Variants in GRAMD2B observed in about 807,000 individuals in gnomAD.
The protein encoded by GRAMD2B is GRAM domain containing 2B.
A neutral mutation model predicts 59.2 loss-of-function variants in GRAMD2B; 41 were observed. The ratio of observed to expected loss-of-function variants is 0.69; its 90% CI spans 0.54 to 0.90. The LOEUF (loss-of-function observed/expected upper bound fraction) is 0.90. Ranked by LOEUF, GRAMD2B falls within the 40% of genes least tolerant of loss-of-function variation. The pLI is 0.00. For synonymous variants in GRAMD2B, 161 were observed against 182.7 expected, an observed-to-expected ratio of 0.88 and a Z score of 0.96; for missense variants, 424 against 500.5, an observed-to-expected ratio of 0.85 and a Z score of 1.46.
chr5:126,386,379 G>C (rs1440520291), intron 1 of GRAMD2B, among the ~76,000 whole-genome samples: 1 of 152,184 alleles, frequency 6.6e-6, no homozygotes, highest in East Asian at 1.9e-4. Flanking sequence ...AGAATGATAA[G>C]GGTTAGATGA....
At chr5:126,462,452 G>A (rs568649542) in intron 1 of GRAMD2B, 25 of 985,184 alleles carry the variant, frequency 2.5e-5, no homozygotes, top group South Asian at 4.7e-5. Context: ...GGTAAGGGAC[G>A]CTTGCAGGAA....
At chr5:126,484,142 T>C (rs981545887) in intron 9 of GRAMD2B, among the ~76,000 whole-genome samples, 1 of 152,332 alleles carries the variant, frequency 6.6e-6, no homozygotes, top group South Asian at 2.1e-4. Context: ...TCTTCCCTCT[T>C]ATTTCAATAA....
intron 1 of GRAMD2B, among the ~76,000 whole-genome samples, chr5:126,426,191 C>A (rs1470167072): frequency 6.6e-6 from 1 of 151,616 alleles, no homozygotes; most frequent in Non-Finnish European, 1.5e-5. Flanking sequence ...TTATAAAATT[C>A]AAAAAAAGAA....
chr5:126,402,918 C>A (rs1355277956), intron 1 of GRAMD2B, among the ~76,000 whole-genome samples: 9 of 151,998 alleles, frequency 5.9e-5, no homozygotes, highest in African/African-American at 2.2e-4. Context: ...AATATTCCTT[C>A]TCTTTTCCAT....
chr5:126,392,661 GA>G (rs1039753560), intron 1 of GRAMD2B, among the ~76,000 whole-genome samples: 1 of 151,484 alleles, frequency 6.6e-6, no homozygotes, highest in Admixed American at 6.6e-5. Context: ...TTTCTTCCAT[GA>G]AAGAAAAATT....
chr5:126,367,325 A>G (rs570082829), upstream of GRAMD2B, among the ~76,000 whole-genome samples: 441 of 152,306 alleles, frequency 2.9e-3, 4 homozygotes, highest in African/African-American at 0.01. Flanking sequence ...TTCTAAGTGT[A>G]AATTTATATT....
chr5:126,363,166 A>G (rs1754295034), intron 1 of GRAMD2B, among the ~76,000 whole-genome samples: 1 of 152,256 alleles, frequency 6.6e-6, no homozygotes, highest in Admixed American at 6.5e-5. Flanking sequence ...AAGGATTTGA[A>G]TGGATTTTTC....
At chr5:126,400,320 A>C (rs554497609) in intron 1 of GRAMD2B, among the ~76,000 whole-genome samples, 4 of 152,134 alleles carry the variant, frequency 2.6e-5, no homozygotes, top group Admixed American at 6.6e-5. Context: ...TAATAACTCC[A>C]ATTTCATACA....
At chr5:126,384,003 C>A (rs1755888541) in intron 1 of GRAMD2B, among the ~76,000 whole-genome samples, 1 of 152,114 alleles carries the variant, frequency 6.6e-6, no homozygotes, top group Non-Finnish European at 1.5e-5. Flanking sequence ...CGAGGGAGAT[C>A]CACAGAGAAA....
In GRAMD2B at chr5:126,455,887, T is replaced by C. The variant is rs760631117; in HGVS notation, c.84-9539T>C. Among the ~76,000 whole-genome samples the C allele has an allele frequency of 8.3e-4, 126 of 152,206 alleles. 1 individual carries two copies. The highest frequency in any genetic ancestry group is 2.5e-4 in the Non-Finnish European group (17 of 68,024). Reference sequence around the variant, plus strand: ...AATTAGAAGAGGTTTCTGAATTCCTTAGACACCTTCTTTATGACACAATAT... The same window carrying C: ...AATTAGAAGAGGTTTCTGAATTCCTCAGACACCTTCTTTATGACACAATAT... On this transcript the variant is annotated intron_variant, in intron 1 of 13. Transcript: ENST00000285689.
chr5:126,370,104 G>A (rs527532350), upstream of GRAMD2B, among the ~76,000 whole-genome samples: 7 of 152,368 alleles, frequency 4.6e-5, no homozygotes, highest in African/African-American at 1.7e-4. Context: ...CAGTACTAAG[G>A]TGACCACCTG....
chr5:126,466,440 TTTC>T, intron 2 of GRAMD2B: 2 of 699,392 alleles, frequency 2.9e-6, no homozygotes, highest in East Asian at 2.7e-5. Flanking sequence ...CTTTTTTTTT[TTTC>T]CAGTCGGAGT....
intron 1 of GRAMD2B, 143 bp downstream of exon 1, chr5:126,423,832 A>ATT: frequency 1.7e-6 from 1 of 591,068 alleles, no homozygotes; most frequent in Non-Finnish European, 2.9e-6. Context: ...TCTGTCTCTC[A>ATT]CTCTCTCTCT....
At chr5:126,422,525 T>C (rs908505316), upstream of GRAMD2B, among the ~76,000 whole-genome samples, 5 of 152,170 alleles carry the variant, frequency 3.3e-5, no homozygotes, top group African/African-American at 1.2e-4. Flanking sequence ...TTAAAGCTCA[T>C]CATCTATCCT....
intron 1 of GRAMD2B, among the ~76,000 whole-genome samples, chr5:126,426,967 T>C (rs956936371): frequency 2.0e-5 from 3 of 152,236 alleles, no homozygotes; most frequent in African/African-American, 7.2e-5. Context: ...ATATTTCCTT[T>C]TGAGATCCTA....
chr5:126,439,412 C>T (rs1293770916), intron 1 of GRAMD2B, among the ~76,000 whole-genome samples: 1 of 148,126 alleles, frequency 6.8e-6, no homozygotes, highest in Non-Finnish European at 1.5e-5. Context: ...CTGCAACCTC[C>T]ACCTCCTGGA....
intron 1 of GRAMD2B, among the ~76,000 whole-genome samples, chr5:126,382,625 G>A (rs1302675764): frequency 1.3e-5 from 2 of 151,870 alleles, no homozygotes; most frequent in Non-Finnish European, 2.9e-5. Flanking sequence ...CTTTAAATTG[G>A]TATTTACCTT....
chr5:126,462,573 C>A, intron 1 of GRAMD2B: 1 of 273,924 alleles, frequency 3.7e-6, no homozygotes, highest in Non-Finnish European at 5.6e-6. Context: ...TGAGATACTA[C>A]ATAATTAATC....
intron 1 of GRAMD2B, among the ~76,000 whole-genome samples, chr5:126,384,848 A>G (rs1755979606): frequency 6.6e-6 from 1 of 152,202 alleles, no homozygotes; most frequent in Non-Finnish European, 1.5e-5. Context: ...CCTGGCACCA[A>G]TCTCCCTTTC....
Sources: gnomAD v4.1 joint callset for allele counts (sites outside exome capture counted in the v4.1 genomes callset) on GRCh38, gnomAD v4.1.1 for gene constraint, MANE v1.5 for transcripts, NCBI Gene and HGNC (gene_info 2026-07-23, HGNC 2026-07-21) for gene names.